The following SAMD12 variants were observed in gnomAD, a reference collection of about 807,000 sequenced individuals.
SAMD12 encodes the protein sterile alpha motif domain containing 12.
In SAMD12, 9 loss-of-function variants were observed where a neutral mutation model predicts 15.0. The ratio of observed to expected loss-of-function variants is 0.60; its 90% CI spans 0.36 to 1.05. The LOEUF (loss-of-function observed/expected upper bound fraction) is 1.05. SAMD12 is among the 50% of genes least tolerant of loss of function. The pLI is 0.01. For synonymous variants in SAMD12, 86 were observed against 90.1 expected, an observed-to-expected ratio of 0.96 and a Z score of 0.25; for missense variants, 230 against 234.2, an observed-to-expected ratio of 0.98 and a Z score of 0.12.
chr8:118,491,226 A>G (rs1008875288), intron 2 of SAMD12, among the ~76,000 whole-genome samples: 3 of 152,154 alleles, frequency 2.0e-5, no homozygotes, highest in Admixed American at 1.3e-4. Context: ...AACTTTTTCC[A>G]TCTTTGCTCT....
Position 118,317,325 on chromosome 8 carries a change from T to C in SAMD12, c.433+62235A>G, listed in dbSNP as rs539111012. ...GTATGTGTCACCAGAGATGCATAAA[T>C]ATGTTCACCCAAAGACGTGTCCAGT... On this transcript the variant is annotated intron_variant, in intron 4 of 4. Transcript: ENST00000409003. 2.6e-5 allele frequency among the ~76,000 whole-genome samples: 4 copies of C among 152,284 alleles called. No homozygotes were observed. The East Asian group carries it at 7.7e-4, about 29-fold the overall frequency.
chr8:118,399,254 G>A lies in SAMD12; in HGVS notation c.323-19554C>T, dbSNP rs149435524. Among the ~76,000 whole-genome samples, 344 of 151,250 alleles carry A rather than the reference G, an allele frequency of 2.3e-3. 4 individuals carry two copies. The highest frequency in any genetic ancestry group is 7.3e-3 in the African/African-American group (298 of 41,088). Reference sequence around the variant, plus strand: ...GAAGGGTGGAAAAGAATGAAAAAGTGTGAAAGACCAGATAAAAGTAGAGTT... The same window carrying A: ...GAAGGGTGGAAAAGAATGAAAAAGTATGAAAGACCAGATAAAAGTAGAGTT... On this transcript the variant is annotated intron_variant, in intron 3 of 3. Coordinates refer to ENST00000314727, the MANE Select transcript of SAMD12 (RefSeq NM_207506.3).
chr8:118,554,251 C>T (rs1427335236), intron 2 of SAMD12, among the ~76,000 whole-genome samples: 2 of 152,028 alleles, frequency 1.3e-5, no homozygotes, highest in Non-Finnish European at 2.9e-5. Context: ...TATTGCGGCA[C>T]TATTCACAAT....
the SAMD12 span, among the ~76,000 whole-genome samples, chr8:118,151,564 C>T: frequency 1.3e-5 from 2 of 152,106 alleles, no homozygotes; most frequent in Non-Finnish European, 2.9e-5. Flanking sequence ...CGTGGTGGCT[C>T]ACGCCTGTAA....
At chr8:118,463,857 T>C (rs538442949) in intron 2 of SAMD12, among the ~76,000 whole-genome samples, 19 of 152,130 alleles carry the variant, frequency 1.2e-4, no homozygotes, top group African/African-American at 4.6e-4. Flanking sequence ...TTACTGGGTT[T>C]GGCAGGAGGA....
At chr8:118,379,833 TC>T in intron 3 of SAMD12, 133 bp from the exon 4 acceptor site, 1 of 1,091,574 alleles carries the variant, frequency 9.2e-7, no homozygotes. Flanking sequence ...ATAAAGGTCT[TC>T]CATTATTATT....
At chr8:118,369,040 G>A (rs1439413884) in intron 4 of SAMD12, among the ~76,000 whole-genome samples, 3 of 152,124 alleles carry the variant, frequency 2.0e-5, no homozygotes. Context: ...CTCTATGATG[G>A]CATACATCAT....
chr8:118,513,012 T>A (rs10098741), intron 2 of SAMD12, among the ~76,000 whole-genome samples: 7 of 135,416 alleles, frequency 5.2e-5, no homozygotes, highest in African/African-American at 2.0e-4. Context: ...TACTTATATT[T>A]TTTTTTTTTC....
chr8:118,318,995 G>A (rs116308623), intron 4 of SAMD12, among the ~76,000 whole-genome samples: 14 of 152,208 alleles, frequency 9.2e-5, no homozygotes, highest in African/African-American at 2.9e-4. Flanking sequence ...GTAAGAGCTG[G>A]ACCACCTTGC....
intron 2 of SAMD12, among the ~76,000 whole-genome samples, chr8:118,499,529 CT>C (rs1357188727): frequency 6.6e-6 from 1 of 152,200 alleles, no homozygotes; most frequent in Non-Finnish European, 1.5e-5. Context: ...TCCTGCCTAT[CT>C]CAGAGAGTGG....
chr8:118,497,920 G>A (rs1318501634), intron 2 of SAMD12, among the ~76,000 whole-genome samples: 2 of 151,930 alleles, frequency 1.3e-5, no homozygotes, highest in Non-Finnish European at 2.9e-5. Context: ...TGTCAGAGGA[G>A]ACATCAATTA....
the SAMD12 span, among the ~76,000 whole-genome samples, chr8:118,148,981 C>T: frequency 1.3e-5 from 2 of 152,174 alleles, no homozygotes; most frequent in Admixed American, 1.3e-4. Context: ...ATGAATAAGA[C>T]TGCTATAAAC....
intron 2 of SAMD12, among the ~76,000 whole-genome samples, chr8:118,504,300 A>G (rs189548655): frequency 6.6e-6 from 1 of 152,230 alleles, no homozygotes; most frequent in African/African-American, 2.4e-5. Context: ...ACAACACAGT[A>G]ATAATGGATA....
chr8:118,274,813 G>A (rs145567984), intron 4 of SAMD12, among the ~76,000 whole-genome samples: 31 of 152,142 alleles, frequency 2.0e-4, no homozygotes, highest in African/African-American at 6.5e-4. Flanking sequence ...TCCTATATAG[G>A]AGGCCATTTT....
At chr8:118,534,389 T>C (rs1825779816) in intron 2 of SAMD12, among the ~76,000 whole-genome samples, 1 of 152,156 alleles carries the variant, frequency 6.6e-6, no homozygotes, top group Non-Finnish European at 1.5e-5. Context: ...TTTCCTTCAT[T>C]TCAACTTTGG....
intron 4 of SAMD12, among the ~76,000 whole-genome samples, chr8:118,235,444 T>A (rs1812407857): frequency 6.6e-6 from 1 of 152,210 alleles, no homozygotes; most frequent in African/African-American, 2.4e-5. Flanking sequence ...CTCTTGACCT[T>A]GTGATCCGCC....
chr8:118,167,629 A>C, the SAMD12 span, among the ~76,000 whole-genome samples: 6 of 152,228 alleles, frequency 3.9e-5, no homozygotes, highest in Non-Finnish European at 5.9e-5. Context: ...ATCTAGAATG[A>C]GGGAGCAATA....
At chr8:118,235,135 T>C (rs993118422) in intron 4 of SAMD12, among the ~76,000 whole-genome samples, 1 of 152,126 alleles carries the variant, frequency 6.6e-6, no homozygotes, top group Non-Finnish European at 1.5e-5. Flanking sequence ...AAACCTCAAA[T>C]TTAGGGTAAG....
chr8:118,196,585 G>A (rs146524611), exon 5 of SAMD12: 3 of 152,172 alleles, frequency 2.0e-5, no homozygotes, highest in Admixed American at 1.3e-4. Context: ...AAGGAACCTA[G>A]TATAGGACTT....
Sources: gnomAD v4.1 joint callset for allele counts (sites outside exome capture counted in the v4.1 genomes callset) on GRCh38, gnomAD v4.1.1 for gene constraint, MANE v1.5 for transcripts, NCBI Gene and HGNC (gene_info 2026-07-23, HGNC 2026-07-21) for gene names.